The following TUBB6 variants were observed in gnomAD, a reference collection of about 807,000 sequenced individuals.
TUBB6 encodes the protein tubulin beta-6 chain.
Under a neutral mutation model 32.3 loss-of-function variants are expected in TUBB6, and 18 were observed. The observed-to-expected ratio is 0.56, with a 90% CI of 0.39 to 0.83. The LOEUF is 0.83. TUBB6 is among the 40% of genes least tolerant of loss of function. TUBB6 has a pLI of 0.00. For missense variants in TUBB6, 480 were observed against 632.0 expected, an observed-to-expected ratio of 0.76 and a Z score of 2.58; for synonymous variants, 280 against 265.8, an observed-to-expected ratio of 1.05 and a Z score of -0.52.
At chr18:12,311,074 TTTCTTC>T (rs772274079) in intron 3 of TUBB6, 21 bp downstream of exon 3, 2 of 1,553,506 alleles carry the variant, frequency 1.3e-6, no homozygotes, top group Non-Finnish European at 8.8e-7. Flanking sequence ...TCTTTCTCAC[TTTCTTC>T]TTCTTCTTTT....
At chr18:12,324,005 C>G (rs149599894) in intron 3 of TUBB6, among the ~76,000 whole-genome samples, 1 of 152,294 alleles carries the variant, frequency 6.6e-6, no homozygotes, top group East Asian at 1.9e-4. Context: ...GTTCTGCAAA[C>G]ATTTTGCAAC....
chr18:12,308,802 A>G lies in TUBB6; in HGVS notation c.166+7A>G. ...TACTACAATGAGTCATCGTGTGAGT[A>G]GCAAGGCCGCCGCGCCCTGCCCGGC... On this transcript the variant is annotated splice_region_variant and intron_variant, in intron 2 of 3. Transcript: ENST00000317702. 6.4e-7 allele frequency: 1 copy of G among 1,570,702 alleles called. No homozygotes were observed. The highest frequency in any genetic ancestry group is 1.1e-5 in the South Asian group (1 of 90,238).
chr18:12,325,038 T>C (rs1156517355), intron 3 of TUBB6, 29 bp from the exon 4 acceptor site: 1 of 1,543,516 alleles, frequency 6.5e-7, no homozygotes, highest in South Asian at 1.3e-5. Context: ...CTTTCCTGTT[T>C]AAACGGCACG....
rs186024972 is a variant in TUBB6 at position 12,318,429 on chromosome 18, G to A, written c.278-6638G>A. Among the ~76,000 whole-genome samples the A allele has an allele frequency of 3.6e-4, 54 of 148,686 alleles. No individual in the cohort carries two copies. In the East Asian group the frequency reaches 8.9e-3, roughly 25 times the overall value. On this transcript the variant is annotated intron_variant, in intron 3 of 3. Transcript: ENST00000317702. ...CAGTCACATACTAGATGCTGTCTAC[G>A]GCTTGTGAAAAACACAAGGAAACGG...
downstream of TUBB6, among the ~76,000 whole-genome samples, chr18:12,328,080 G>A (rs1225381325): frequency 6.6e-6 from 1 of 152,248 alleles, no homozygotes; most frequent in Non-Finnish European, 1.5e-5. Flanking sequence ...AGGTGCAAAG[G>A]TCCAGCAGGG....
chr18:12,329,694 G>A, downstream of TUBB6: 1 of 1,614,154 alleles, frequency 6.2e-7, no homozygotes, highest in South Asian at 1.1e-5. Flanking sequence ...ATTCTTCATA[G>A]GTAGATTTTT....
chr18:12,314,004 G>A (rs1169369863), intron 3 of TUBB6, among the ~76,000 whole-genome samples: 4 of 152,300 alleles, frequency 2.6e-5, no homozygotes, highest in African/African-American at 4.8e-5. Context: ...GAAAAAGGAC[G>A]ATCCTACTTT....
At chr18:12,327,085 G>A (rs1907363941), downstream of TUBB6, among the ~76,000 whole-genome samples, 1 of 152,224 alleles carries the variant, frequency 6.6e-6, no homozygotes, top group Admixed American at 6.5e-5. Context: ...AGACCTCACT[G>A]TTGACAATAT....
intron 1 of TUBB6, 30 bp from the exon 2 acceptor site, chr18:12,308,657 C>T (rs780501044): frequency 2.0e-5 from 30 of 1,468,204 alleles, no homozygotes; most frequent in Non-Finnish European, 2.7e-5. Context: ...GGGTTCTGAG[C>T]GTCTGTCCCC....
intron 3 of TUBB6, among the ~76,000 whole-genome samples, chr18:12,317,709 T>C (rs1906751733): frequency 6.6e-6 from 1 of 152,154 alleles, no homozygotes; most frequent in Non-Finnish European, 1.5e-5. Flanking sequence ...GAGGGGGGAC[T>C]CAGAGAAAAC....
At chr18:12,312,045 G>A (rs1321315774) in intron 3 of TUBB6, among the ~76,000 whole-genome samples, 3 of 152,154 alleles carry the variant, frequency 2.0e-5, no homozygotes, top group Non-Finnish European at 4.4e-5. Context: ...TATGGTGTAG[G>A]AATCAAATAC....
At chr18:12,309,407 C>T (rs200228825) in intron 2 of TUBB6, among the ~76,000 whole-genome samples, 2 of 132,832 alleles carry the variant, frequency 1.5e-5, no homozygotes, top group East Asian at 5.1e-4. Context: ...TTCCCCCCCC[C>T]CCCCCCCAGT....
chr18:12,312,186 T>C (rs1379522423), intron 3 of TUBB6, among the ~76,000 whole-genome samples: 1 of 152,182 alleles, frequency 6.6e-6, no homozygotes, highest in Non-Finnish European at 1.5e-5. Context: ...TCCCAACATT[T>C]CCTATGAGGC....
chr18:12,315,139 T>C (rs992919718), intron 3 of TUBB6, among the ~76,000 whole-genome samples: 2 of 152,236 alleles, frequency 1.3e-5, no homozygotes, highest in East Asian at 1.9e-4. Flanking sequence ...ATCATTTATA[T>C]CTTTTTCCAT....
rs532597674 is a variant in TUBB6 at position 12,315,064 on chromosome 18, T to C, written c.277+4011T>C. On this transcript the variant is annotated intron_variant, in intron 3 of 3. Coordinates refer to ENST00000317702, the MANE Select transcript of TUBB6 (RefSeq NM_032525.3). ...GTTCATCATCTTAGTGTAATTATTG[T>C]CAGCACTGAGGTATTTTTTTCACCT... 1.6e-3 allele frequency among the ~76,000 whole-genome samples: 245 copies of C among 152,340 alleles called. 2 individuals are homozygous for C. The highest frequency in any genetic ancestry group is 8.5e-3 in the South Asian group (41 of 4,824).
intron 2 of TUBB6, 63 bp from the exon 3 acceptor site, chr18:12,310,879 CG>C (rs1598799629): frequency 4.3e-6 from 5 of 1,163,382 alleles, no homozygotes; most frequent in East Asian, 2.5e-5. Flanking sequence ...GGACTTGAAA[CG>C]GGGAAGTCAA....
chr18:12,329,490 T>TC (rs547065923), downstream of TUBB6: 135 of 1,475,596 alleles, frequency 9.1e-5, no homozygotes, highest in African/African-American at 1.7e-3. Context: ...TTCCCATTCT[T>TC]CTGAAAGCCA....
chr18:12,310,490 CA>C (rs11315396), intron 2 of TUBB6, among the ~76,000 whole-genome samples: 95,356 of 104,426 alleles, frequency 0.91, 43,687 homozygotes, highest in East Asian at 0.98. Context: ...GACTCCATCG[CA>C]AAAAAAAAAA....
At position 12,326,156 on chromosome 18, in the gene TUBB6, A is replaced by T; in HGVS notation, c.*26A>T. 1 of 1,590,924 alleles carries T rather than the reference A, an allele frequency of 6.3e-7. No individual in the cohort carries two copies. Among genetic ancestry groups the T allele is most frequent in the Non-Finnish European group, 8.6e-7 (1 of 1,167,784 alleles). On this transcript the variant is annotated 3_prime_UTR_variant, in exon 4 of 4. Coordinates refer to ENST00000317702, the MANE Select transcript of TUBB6 (RefSeq NM_032525.3). Reference sequence around the variant, plus strand: ...TCGGAATAGAGCCGCCCCAACTCAGATCCTACAACACGCAAGTTCCTTCTT... The same window carrying T: ...TCGGAATAGAGCCGCCCCAACTCAGTTCCTACAACACGCAAGTTCCTTCTT...
Sources: gnomAD v4.1 joint callset for allele counts (sites outside exome capture counted in the v4.1 genomes callset) on GRCh38, gnomAD v4.1.1 for gene constraint, MANE v1.5 for transcripts, NCBI Gene and HGNC (gene_info 2026-07-23, HGNC 2026-07-21) for gene names.